The following FAT3 variants were observed in gnomAD, a reference collection of about 807,000 sequenced individuals.
FAT3 encodes FAT atypical cadherin 3.
In FAT3, 95 loss-of-function variants were observed where a neutral mutation model predicts 310.2. The observed-to-expected ratio is 0.31, with a 90% CI of 0.26 to 0.36. The LOEUF (loss-of-function observed/expected upper bound fraction) is 0.36, where lower values mean the gene tolerates loss of function less well. Among genes scored for constraint, FAT3 ranks in the 10% least tolerant of loss-of-function variants. The pLI, the probability that FAT3 is intolerant of heterozygous loss-of-function variation, is 1.00. For synonymous variants in FAT3, 2,314 were observed against 2,192.9 expected, an observed-to-expected ratio of 1.06 and a Z score of -1.54; for missense variants, 5,408 against 5,715.6, an observed-to-expected ratio of 0.95 and a Z score of 1.74.
rs2136442853 is a variant in FAT3, at chr11:92,890,546, G to A, written c.13203G>A (p.Glu4401=). 1.9e-6 allele frequency: 3 copies of A among 1,612,720 alleles called. No individual in the cohort carries two copies. The highest frequency in any genetic ancestry group is 2.5e-6 in the Non-Finnish European group (3 of 1,179,568). ...CAGGGGCCCGCCTGTCGGACATAGAGGAAGTGCCCAACTATGAGAACCAGG... is the reference window on the plus strand; with the variant it reads ...CAGGGGCCCGCCTGTCGGACATAGAAGAAGTGCCCAACTATGAGAACCAGG... ...WMPGARLSDI[E]EVPNYENQDG... The change falls in exon 28 of 28, where the codon GAG becomes GAA. Residue 4401 remains glutamate (E), a synonymous_variant. Transcript: ENST00000525166.
At chr11:92,342,743 G>A (rs1032128846) in intron 1 of FAT3, among the ~76,000 whole-genome samples, 7 of 151,718 alleles carry the variant, frequency 4.6e-5, no homozygotes, top group African/African-American at 1.2e-4. Context: ...TTTAAAAATC[G>A]TAAGCATGAG....
At chr11:92,616,685 C>G (rs1940825994) in intron 3 of FAT3, among the ~76,000 whole-genome samples, 1 of 152,176 alleles carries the variant, frequency 6.6e-6, no homozygotes, top group Non-Finnish European at 1.5e-5. Flanking sequence ...GTGACAAAAT[C>G]TCTCAGCATT....
chr11:92,779,348 A>G (rs924874756), intron 7 of FAT3, among the ~76,000 whole-genome samples: 4 of 152,248 alleles, frequency 2.6e-5, no homozygotes, highest in African/African-American at 7.2e-5. Context: ...ATAGAAATGG[A>G]TAATTGCAGG....
intron 3 of FAT3, among the ~76,000 whole-genome samples, chr11:92,682,955 C>G (rs1245180860): frequency 6.6e-6 from 1 of 151,720 alleles, no homozygotes; most frequent in East Asian, 1.9e-4. Flanking sequence ...GTGCATGCCT[C>G]TCATCCCAGC....
intron 1 of FAT3, among the ~76,000 whole-genome samples, chr11:92,281,740 A>G (rs1442314268): frequency 6.6e-6 from 1 of 152,136 alleles, no homozygotes; most frequent in Non-Finnish European, 1.5e-5. Context: ...CTAATCGCTC[A>G]CTGGTCCACT....
rs369463878 is a variant in FAT3, at chr11:92,515,073, C to A, written c.3293-9561C>A. On this transcript the variant is annotated intron_variant, in intron 2 of 27. Transcript: ENST00000525166. ...CCAGGTCTGAGGGAGGCTAATGAAT[C>A]GCTTCATTGATATAAACTAGCCTAC... Among the ~76,000 whole-genome samples the A allele has an allele frequency of 1.1e-4, 16 of 152,148 alleles. 1 individual carries two copies. The East Asian group carries it at 3.1e-3, about 29-fold the overall frequency.
Position 92,836,523 on chromosome 11 carries a change from C to G in FAT3, c.10087-43C>G, listed in dbSNP as rs372581271. ...GACCCTAAGAATCAACCTTTGCTGC[C>G]TTATGTCATGTCTTTTCTTTGTTTT... is the stretch of plus-strand genomic sequence containing the variant. On this transcript the variant is annotated intron_variant, in intron 15 of 27. Coordinates refer to ENST00000525166, the MANE Select transcript of FAT3 (RefSeq NM_001367949.2). The G allele has an allele frequency of 8.7e-6, 14 of 1,602,140 alleles. No homozygotes were observed. In the African/African-American group the frequency reaches 1.7e-4, roughly 20 times the overall value.
At chr11:92,331,635 G>T (rs1463365387) in intron 1 of FAT3, among the ~76,000 whole-genome samples, 1 of 152,096 alleles carries the variant, frequency 6.6e-6, no homozygotes, top group East Asian at 1.9e-4. Context: ...CCAGAACTGA[G>T]GTACTAACCT....
At chr11:92,775,768 A>G (rs1946582713) in intron 7 of FAT3, among the ~76,000 whole-genome samples, 1 of 152,242 alleles carries the variant, frequency 6.6e-6, no homozygotes, top group Non-Finnish European at 1.5e-5. Flanking sequence ...ATACAGCCAC[A>G]GAAATCCTAT....
intron 4 of FAT3, among the ~76,000 whole-genome samples, chr11:92,715,508 T>C (rs1234712557): frequency 6.6e-6 from 1 of 152,050 alleles, no homozygotes; most frequent in Non-Finnish European, 1.5e-5. Context: ...GGTGTGAGAT[T>C]TAATTGACAG....
At chr11:92,522,690 T>C (rs1324211041) in intron 2 of FAT3, among the ~76,000 whole-genome samples, 1 of 152,194 alleles carries the variant, frequency 6.6e-6, no homozygotes, top group Non-Finnish European at 1.5e-5. Flanking sequence ...ACTGCAGACC[T>C]AAGCCAGTAT....
chr11:92,701,636 G>GTA (rs1440549058), intron 4 of FAT3, among the ~76,000 whole-genome samples: 1 of 152,152 alleles, frequency 6.6e-6, no homozygotes, highest in Non-Finnish European at 1.5e-5. Flanking sequence ...GTTCAAAGTC[G>GTA]TATACCTTCC....
rs750158742 is a variant in FAT3 at position 92,835,071 on chromosome 11, ACT to A, written c.10076_10077del (p.Ser3359CysfsTer29). On this transcript the variant is annotated frameshift_variant, in exon 15 of 28. Coordinates refer to ENST00000525166, the MANE Select transcript of FAT3 (RefSeq NM_001367949.2). LOFTEE classifies it high-confidence loss of function. ...ATCAGTGAAGACGCCTTGGTGGGAG[ACT>A]CTGTCATTTTGGTAGGTACCTGGGG... The A allele has an allele frequency of 6.2e-7, 1 of 1,612,124 alleles. No individual in the cohort carries two copies.
chr11:92,560,067 T>C (rs1955167580), intron 3 of FAT3, among the ~76,000 whole-genome samples: 1 of 152,214 alleles, frequency 6.6e-6, no homozygotes, highest in Non-Finnish European at 1.5e-5. Flanking sequence ...CCATTATACA[T>C]CCCACTATCA....
At chr11:92,607,234 A>T (rs562746245) in intron 3 of FAT3, among the ~76,000 whole-genome samples, 1 of 151,678 alleles carries the variant, frequency 6.6e-6, no homozygotes, top group Non-Finnish European at 1.5e-5. Context: ...TTATGATATG[A>T]TTTCCCTTGT....
intron 2 of FAT3, among the ~76,000 whole-genome samples, chr11:92,483,316 ATTTCTTTTTTT>A (rs1287244625): frequency 1.3e-5 from 2 of 151,378 alleles, no homozygotes; most frequent in Non-Finnish European, 3.0e-5. Flanking sequence ...TTTATCTGTT[ATTTCTTTTTTT>A]TTTCTTTTCT....
chr11:92,536,935 C>T (rs16917679), intron 3 of FAT3, among the ~76,000 whole-genome samples: 2,226 of 152,182 alleles, frequency 0.015, 60 homozygotes, highest in African/African-American at 0.051. Context: ...AGATTTTAGT[C>T]CAGACCCTAT....
rs1442510418 is a variant in FAT3, at chr11:92,799,747, C to G, written c.6734C>G (p.Pro2245Arg). Reference sequence around the variant, plus strand: ...ACTGGGGTCCTGAAAGTTGTTAGCCCTTTGGATTATGAAGTTACATCTGCT... The same window carrying G: ...ACTGGGGTCCTGAAAGTTGTTAGCCGTTTGGATTATGAAGTTACATCTGCT... The part of the protein sequence containing the change: ...FDTGVLKVVS[P>R]LDYEVTSAYK... Residue 2245 changes from proline (P) to arginine (R), a missense_variant, in exon 10 of 28, where the codon CCT (proline) becomes CGT (arginine). Around this residue, in one of 5 missense-constraint regions of FAT3, gnomAD observed 4,588 missense variants for 4,809.8 expected, o/e 0.95. Coordinates refer to ENST00000525166, the MANE Select transcript of FAT3 (RefSeq NM_001367949.2). 2 of 1,612,696 alleles carry G rather than the reference C, an allele frequency of 1.2e-6. No individual in the cohort carries two copies. The highest frequency in any genetic ancestry group is 1.7e-6 in the Non-Finnish European group (2 of 1,179,358).
At chr11:92,518,785 A>G (rs550040331) in intron 2 of FAT3, among the ~76,000 whole-genome samples, 36 of 152,186 alleles carry the variant, frequency 2.4e-4, no homozygotes, top group Admixed American at 3.9e-4. Context: ...TAAAATAAAA[A>G]TAATGCATTT....
Sources: allele counts gnomAD v4.1 joint callset (sites outside exome capture counted in the v4.1 genomes callset), GRCh38; gene constraint gnomAD v4.1.1; regional missense constraint gnomAD v4.1.1; transcripts MANE v1.5; gene names NCBI Gene and HGNC (gene_info 2026-07-23, HGNC 2026-07-21).